The following PTPRN2 variants were observed in gnomAD, a reference collection of about 807,000 sequenced individuals.
PTPRN2 encodes protein tyrosine phosphatase receptor type N2.
PTPRN2 carries 74 observed loss-of-function variants against 118.8 expected under a neutral mutation model. The ratio of observed to expected loss-of-function variants is 0.62; its 90% CI spans 0.52 to 0.76. The LOEUF (loss-of-function observed/expected upper bound fraction) is 0.76, where lower values mean the gene tolerates loss of function less well. PTPRN2 is among the 30% of genes least tolerant of loss of function. The probability of loss-of-function intolerance (pLI) is 0.00; values close to 1 mark genes in which losing one functional copy is unlikely to be tolerated. For synonymous variants in PTPRN2, 641 were observed against 608.0 expected, an observed-to-expected ratio of 1.05 and a Z score of -0.80; for missense variants, 1,481 against 1,394.4, an observed-to-expected ratio of 1.06 and a Z score of -0.99.
intron 1 of PTPRN2, among the ~76,000 whole-genome samples, chr7:158,581,407 G>T (rs1293236162): frequency 1.3e-5 from 2 of 152,208 alleles, no homozygotes; most frequent in African/African-American, 4.8e-5. Flanking sequence ...CTGTCACTGT[G>T]AAGGGAGCAC....
Position 157,925,005 on chromosome 7 carries a change from A to G in PTPRN2, c.1724-26268T>C, listed in dbSNP as rs13312438. Among the ~76,000 whole-genome samples, 16 of 65,656 alleles carry G rather than the reference A, an allele frequency of 2.4e-4. 2 individuals are homozygous for G. The highest frequency in any genetic ancestry group is 7.9e-4 in the African/African-American group (11 of 13,904). The allele number at this position is 65,656 out of a possible 152,430, so 43.1% of individuals were successfully genotyped here. On this transcript the variant is annotated intron_variant, in intron 11 of 22. Transcript: ENST00000389418. The stretch of plus-strand genomic sequence containing the variant: ...ACATCAGGCAAATGCAGTTATTGAA[A>G]TGTAGTCAGGATGCAGGCACCTGCA...
chr7:157,634,937 C>T (rs924396509), intron 14 of PTPRN2, among the ~76,000 whole-genome samples: 1 of 152,224 alleles, frequency 6.6e-6, no homozygotes, highest in African/African-American at 2.4e-5. Context: ...TTCTAAAGAA[C>T]CTAACAGGCC....
At chr7:158,259,061 T>C (rs12698190) in intron 3 of PTPRN2, among the ~76,000 whole-genome samples, 63,280 of 151,992 alleles carry the variant, frequency 0.42, 13,621 homozygotes, top group African/African-American at 0.52. Flanking sequence ...TGAAACCCCT[T>C]GTGCATGTCC....
intron 2 of PTPRN2, among the ~76,000 whole-genome samples, chr7:158,385,863 A>G (rs1811292838): frequency 6.9e-6 from 1 of 144,472 alleles, no homozygotes; most frequent in South Asian, 2.2e-4. Context: ...CTCCATGAGC[A>G]GATGTGCCCC....
rs908211887 is a variant in PTPRN2 at position 158,509,342 on chromosome 7, G to A, written c.113-19557C>T. On this transcript the variant is annotated intron_variant, in intron 1 of 22. Transcript: ENST00000389418. The surrounding 1 kb of genome is among the most constrained non-coding windows in gnomAD (Gnocchi z 4.4). Reference sequence around the variant, plus strand: ...TCCCTAACGTGCAATCGGGGCTGGAGCCGGAGACCCCTCCACCCTGCAGTC... The same window carrying A: ...TCCCTAACGTGCAATCGGGGCTGGAACCGGAGACCCCTCCACCCTGCAGTC... 2.6e-5 allele frequency among the ~76,000 whole-genome samples: 4 copies of A among 152,160 alleles called. No homozygotes were observed. The highest frequency in any genetic ancestry group is 9.7e-5 in the African/African-American group (4 of 41,418).
intron 14 of PTPRN2, among the ~76,000 whole-genome samples, chr7:157,645,846 G>A (rs1052033528): frequency 1.1e-4 from 16 of 152,174 alleles, no homozygotes; most frequent in African/African-American, 2.9e-4. Context: ...CATGAAGCAC[G>A]TCCCAGACCA....
intron 11 of PTPRN2, among the ~76,000 whole-genome samples, chr7:158,043,905 T>C (rs1017786554): frequency 5.9e-5 from 9 of 152,226 alleles, no homozygotes; most frequent in Admixed American, 5.9e-4. Flanking sequence ...TGAGACTGAT[T>C]GTCATTTGCT....
intron 2 of PTPRN2, among the ~76,000 whole-genome samples, chr7:158,465,109 G>A (rs138018966): frequency 6.6e-6 from 1 of 152,220 alleles, no homozygotes; most frequent in African/African-American, 2.4e-5. Flanking sequence ...CTGTGTGGCT[G>A]TGGACATTTC....
chr7:158,193,546 C>A (rs1825948807), intron 4 of PTPRN2, among the ~76,000 whole-genome samples: 1 of 149,048 alleles, frequency 6.7e-6, no homozygotes, highest in African/African-American at 2.4e-5. Context: ...TGTCCGTGGC[C>A]CCCTGAGCCT....
intron 12 of PTPRN2, among the ~76,000 whole-genome samples, chr7:157,786,604 A>G (rs1034580409): frequency 1.3e-5 from 2 of 152,196 alleles, no homozygotes; most frequent in Admixed American, 6.5e-5. Flanking sequence ...TCCCACTCTC[A>G]GGAGCCTCAC....
chr7:157,671,739 T>C lies in PTPRN2; in HGVS notation c.2001+10986A>G, dbSNP rs1233043643. Among the ~76,000 whole-genome samples, 2 of 151,956 alleles carry C rather than the reference T, an allele frequency of 1.3e-5. No individual in the cohort carries two copies. Among genetic ancestry groups the C allele is most frequent in the Non-Finnish European group, 2.9e-5 (2 of 67,988 alleles). On this transcript the variant is annotated intron_variant, in intron 13 of 22. Transcript: ENST00000389418. This position sits in a 1 kb window ranked among gnomAD's most constrained non-coding sequence, Gnocchi z 4.1. ...AACTGCACGTCGTTCTGGGGCCCAA[T>C]TATTCTACCTAAAACTGATCTGAGT...
chr7:157,606,485 A>G (rs1802010337), intron 15 of PTPRN2, among the ~76,000 whole-genome samples: 1 of 152,232 alleles, frequency 6.6e-6, no homozygotes, highest in Non-Finnish European at 1.5e-5. Flanking sequence ...GGAAGCAACA[A>G]CATCTCGGCT....
chr7:158,002,963 G>T (rs1186312545), intron 11 of PTPRN2, among the ~76,000 whole-genome samples: 1 of 152,174 alleles, frequency 6.6e-6, no homozygotes, highest in East Asian at 1.9e-4. Context: ...ACAAGTGGGG[G>T]TCTGCTACAG....
intron 2 of PTPRN2, among the ~76,000 whole-genome samples, chr7:158,351,635 AG>A (rs1807943777): frequency 6.6e-6 from 1 of 152,150 alleles, no homozygotes; most frequent in African/African-American, 2.4e-5. Flanking sequence ...ATCCTTCTCA[AG>A]GGCAAGAGAG....
intron 9 of PTPRN2, among the ~76,000 whole-genome samples, chr7:158,124,076 T>C (rs1817413539): frequency 6.6e-6 from 1 of 152,234 alleles, no homozygotes; most frequent in Non-Finnish European, 1.5e-5. Flanking sequence ...CCATGGGACC[T>C]GAGTTGCCCA....
At position 157,598,183 on chromosome 7, in the gene PTPRN2, G is replaced by T. The variant is rs1801458015; in HGVS notation, c.2419-2868C>A. Among the ~76,000 whole-genome samples, 2 of 152,212 alleles carry T rather than the reference G, an allele frequency of 1.3e-5. No individual in the cohort carries two copies. Among genetic ancestry groups the T allele is most frequent in the African/African-American group, 4.8e-5 (2 of 41,440 alleles). ...CGTGACAACCGGACATGGTGGGTGT[G>T]TGTCCCTCTGTCTTCCCCACCCAGC... On this transcript the variant is annotated intron_variant, in intron 16 of 22. Transcript: ENST00000389418. This position sits in a 1 kb window ranked among gnomAD's most constrained non-coding sequence, Gnocchi z 5.2.
rs184311370 is a variant in PTPRN2 at position 157,886,560 on chromosome 7, C to T, written c.1788+12113G>A. ...TATTGAGAAGGCATCCGTGAGCCAG[C>T]GCAACGTGGAAACCTGTGTGCCATT... On this transcript the variant is annotated intron_variant, in intron 12 of 22. Transcript: ENST00000389418. Among the ~76,000 whole-genome samples the T allele has an allele frequency of 4.6e-5, 7 of 152,334 alleles. No individual in the cohort carries two copies. In the East Asian group the frequency reaches 5.8e-4, roughly 13 times the overall value.
At chr7:157,623,280 T>C (rs763659929) in intron 14 of PTPRN2, among the ~76,000 whole-genome samples, 51 of 152,222 alleles carry the variant, frequency 3.4e-4, no homozygotes, top group Non-Finnish European at 6.9e-4. Flanking sequence ...GGGAGGTTGA[T>C]AGTTATGGTG....
chr7:157,814,685 C>T (rs1187617516), intron 12 of PTPRN2, among the ~76,000 whole-genome samples: 4 of 152,224 alleles, frequency 2.6e-5, no homozygotes, highest in South Asian at 2.1e-4. Context: ...AGGCGAGAAG[C>T]GGGGAGATCC....
Sources: allele counts gnomAD v4.1 joint callset (sites outside exome capture counted in the v4.1 genomes callset), GRCh38; gene constraint gnomAD v4.1.1; non-coding constraint Gnocchi (gnomAD v3.1); transcripts MANE v1.5; gene names NCBI Gene and HGNC (gene_info 2026-07-23, HGNC 2026-07-21).